Variants in HIBCH observed in about 807,000 individuals in gnomAD.
HIBCH encodes the protein 3-hydroxyisobutyryl-CoA hydrolase, also known as 3-hydroxyisobutyryl-CoA hydrolase, mitochondrial.
HIBCH carries 50 observed loss-of-function variants against 58.2 expected under a neutral mutation model. That is an observed-to-expected ratio of 0.86 (90% CI 0.68 to 1.09). The LOEUF (loss-of-function observed/expected upper bound fraction) is 1.09. HIBCH is among the 50% of genes least tolerant of loss of function. The pLI is 0.00. For synonymous variants in HIBCH, 151 were observed against 146.9 expected (o/e 1.03, Z -0.20); for missense variants, 450 against 449.7 (o/e 1.00, Z -0.01).
chr2:190,283,168 T>C (rs1041810267), intron 6 of HIBCH, among the ~76,000 whole-genome samples: 1 of 152,240 alleles, frequency 6.6e-6, no homozygotes. Flanking sequence ...TAAATTTCTC[T>C]TCAAAGAGTC....
At chr2:190,295,304 G>C (rs1688074938) in intron 3 of HIBCH, among the ~76,000 whole-genome samples, 1 of 152,188 alleles carries the variant, frequency 6.6e-6, no homozygotes, top group African/African-American at 2.4e-5. Context: ...AAGTGTTTCA[G>C]ACTTTTTTAG....
chr2:190,238,873 T>A (rs933036938), intron 11 of HIBCH, among the ~76,000 whole-genome samples: 1 of 152,244 alleles, frequency 6.6e-6, no homozygotes, highest in African/African-American at 2.4e-5. Context: ...TATTAGACCT[T>A]TAGATGGATA....
chr2:190,315,271 T>C lies in HIBCH; in HGVS notation c.35+4445A>G, dbSNP rs1024161913. Among the ~76,000 whole-genome samples the C allele has an allele frequency of 2.0e-5, 3 of 152,196 alleles. No homozygotes were observed. Among genetic ancestry groups the C allele is most frequent in the African/African-American group, 7.2e-5 (3 of 41,456 alleles). On this transcript the variant is annotated intron_variant, in intron 1 of 13. Transcript: ENST00000359678. This position sits in a 1 kb window ranked among gnomAD's most constrained non-coding sequence, Gnocchi z 5.4. ...CGGCCTGCTACTTCTAATTTCTTAA[T>C]TAACTTTATCAGGCTTATTTCCTTC...
At chr2:190,283,702 G>C (rs555870267) in intron 6 of HIBCH, among the ~76,000 whole-genome samples, 2 of 152,264 alleles carry the variant, frequency 1.3e-5, no homozygotes, top group Admixed American at 1.3e-4. Context: ...CAGTCTTTAA[G>C]GATGCATGTG....
At position 190,319,746 on chromosome 2, in the gene HIBCH, C is replaced by T. The variant is rs893959402; in HGVS notation, c.5G>A (p.Gly2Glu). 2.5e-6 allele frequency: 4 copies of T among 1,612,646 alleles called. No individual in the cohort carries two copies. Among genetic ancestry groups the T allele is most frequent in the Non-Finnish European group, 3.4e-6 (4 of 1,179,524 alleles). Reference protein sequence around the residue: MGQREMWRLMSR... With the variant: MEQREMWRLMSR... ...CATGAGCCTCCACATCTCGCGCTGCCCCATCGCCAAACACTCCGAAGCTAA... is the reference window on the plus strand; with the variant it reads ...CATGAGCCTCCACATCTCGCGCTGCTCCATCGCCAAACACTCCGAAGCTAA... The change falls in exon 1 of 14, where the codon GGG (glycine) becomes GAG (glutamate). Residue 2 changes from glycine (G) to glutamate (E), a missense_variant. Coordinates refer to ENST00000359678, the MANE Select transcript of HIBCH (RefSeq NM_014362.4).
At chr2:190,272,847 G>A (rs550089640) in intron 6 of HIBCH, among the ~76,000 whole-genome samples, 20 of 152,126 alleles carry the variant, frequency 1.3e-4, no homozygotes, top group African/African-American at 4.1e-4. Flanking sequence ...GGGCTAAAGG[G>A]TAGATGGAAA....
chr2:190,300,431 T>A (rs1027128446), intron 2 of HIBCH, among the ~76,000 whole-genome samples: 1 of 152,196 alleles, frequency 6.6e-6, no homozygotes, highest in South Asian at 2.1e-4. Context: ...CTGAGCTTTT[T>A]TTTTTTTAAT....
intron 1 of HIBCH, among the ~76,000 whole-genome samples, chr2:190,314,315 ATATATG>A (rs1391330697): frequency 0.092 from 1,095 of 11,874 alleles, 26 homozygotes; most frequent in Middle Eastern, 0.3. Context: ...ATATGTGTAT[ATATATG>A]TATATATGTA....
At chr2:190,191,636 C>G (rs1689715120) in intron 1 of HIBCH, among the ~76,000 whole-genome samples, 1 of 152,178 alleles carries the variant, frequency 6.6e-6, no homozygotes, top group African/African-American at 2.4e-5. Flanking sequence ...TGCACCAGCA[C>G]TTGGTATTAT....
intron 7 of HIBCH, among the ~76,000 whole-genome samples, chr2:190,255,940 C>CA (rs1328244661): frequency 6.6e-6 from 1 of 152,108 alleles, no homozygotes. Flanking sequence ...TTAATTGACT[C>CA]ATAGTTCCAA....
At chr2:190,234,587 C>T (rs1686207084) in intron 11 of HIBCH, among the ~76,000 whole-genome samples, 1 of 152,174 alleles carries the variant, frequency 6.6e-6, no homozygotes, top group South Asian at 2.1e-4. Context: ...CAAACAATCA[C>T]ACCTGTAATC....
chr2:190,288,749 C>T (rs564340636), intron 5 of HIBCH, among the ~76,000 whole-genome samples: 129 of 152,188 alleles, frequency 8.5e-4, no homozygotes, highest in African/African-American at 3.0e-3. Context: ...GCTTAAAAAG[C>T]AGCGGCCTCT....
intron 11 of HIBCH, among the ~76,000 whole-genome samples, chr2:190,240,988 G>T (rs957183270): frequency 1.3e-5 from 2 of 152,122 alleles, no homozygotes; most frequent in African/African-American, 4.8e-5. Flanking sequence ...ATGTCTATTA[G>T]GTCCACTTGG....
At position 190,290,435 on chromosome 2, in the gene HIBCH, T is replaced by C. The variant is rs1279715609; in HGVS notation, c.355A>G (p.Arg119Gly). 1.2e-6 allele frequency: 2 copies of C among 1,611,594 alleles called. No homozygotes were observed. Among genetic ancestry groups the C allele is most frequent in the Non-Finnish European group, 1.7e-6 (2 of 1,178,180 alleles). The change falls in exon 5 of 14, where the codon AGA becomes GGA. Residue 119 changes from arginine to glycine, a missense_variant. Coordinates refer to ENST00000359678, the MANE Select transcript of HIBCH (RefSeq NM_014362.4). ...GCATTATTCAGCATATATTCTTCTC[T>C]GAAGAAAACTGGAGCTATCTTCTGT... ...AKQKIAPVFF[R>G]EEYMLNNAVG...
chr2:190,240,857 C>T (rs910645166), intron 11 of HIBCH, among the ~76,000 whole-genome samples: 5 of 151,994 alleles, frequency 3.3e-5, no homozygotes, highest in East Asian at 1.9e-4. Flanking sequence ...TTATGATTTC[C>T]GTTCTTTTAC....
At chr2:190,192,386 AATT>A (rs889155830) in intron 1 of HIBCH, among the ~76,000 whole-genome samples, 1 of 151,372 alleles carries the variant, frequency 6.6e-6, no homozygotes, top group Non-Finnish European at 1.5e-5. Context: ...GAGTACTCCA[AATT>A]ATTGTTCTTT....
At chr2:190,252,768 T>A (rs1686810820) in intron 7 of HIBCH, among the ~76,000 whole-genome samples, 1 of 152,242 alleles carries the variant, frequency 6.6e-6, no homozygotes, top group Admixed American at 6.5e-5. Flanking sequence ...ATATTCAAGA[T>A]GTTTAAATAT....
chr2:190,267,436 A>C (rs766093736), intron 6 of HIBCH, among the ~76,000 whole-genome samples: 7 of 151,956 alleles, frequency 4.6e-5, no homozygotes, highest in Admixed American at 2.6e-4. Context: ...ACCTTAGGTT[A>C]TTCATCCACC....
chr2:190,273,945 G>A lies in HIBCH; in HGVS notation c.439-12711C>T, dbSNP rs143440941. Among the ~76,000 whole-genome samples the A allele has an allele frequency of 4.3e-3, 654 of 152,128 alleles. 7 individuals are homozygous for A. The highest frequency in any genetic ancestry group is 3.4e-3 in the Middle Eastern group (1 of 294). ...CCGCCTCAACCTCCCAAGTAGCTGG[G>A]ACTACAGGCATGCACCACCATGCCT... On this transcript the variant is annotated intron_variant, in intron 6 of 13. Coordinates refer to ENST00000359678, the MANE Select transcript of HIBCH (RefSeq NM_014362.4).
Sources: gnomAD v4.1 joint callset for allele counts (sites outside exome capture counted in the v4.1 genomes callset) on GRCh38, gnomAD v4.1.1 for gene constraint, Gnocchi (gnomAD v3.1) non-coding constraint, MANE v1.5 for transcripts, NCBI Gene and HGNC (gene_info 2026-07-23, HGNC 2026-07-21) for gene names.